Variants in CCDC138 observed in about 807,000 individuals in gnomAD.
The protein encoded by CCDC138 is coiled-coil domain containing 138.
Under a neutral mutation model 82.3 loss-of-function variants are expected in CCDC138, and 66 were observed. That is an observed-to-expected ratio of 0.80 (90% CI 0.66 to 0.98). The LOEUF (loss-of-function observed/expected upper bound fraction) is 0.98. CCDC138 is among the 50% of genes least tolerant of loss of function. The pLI, the probability that CCDC138 is intolerant of heterozygous loss-of-function variation, is 0.00. For missense variants in CCDC138, 816 were observed against 758.9 expected, an observed-to-expected ratio of 1.08 and a Z score of -0.88; for synonymous variants, 297 against 265.4, an observed-to-expected ratio of 1.12 and a Z score of -1.16.
chr2:108,806,636 C>T (rs763567979), intron 7 of CCDC138, among the ~76,000 whole-genome samples: 14 of 152,022 alleles, frequency 9.2e-5, no homozygotes, highest in African/African-American at 1.7e-4. Context: ...AAGTAACGAG[C>T]GTGGCTGTGT....
intron 12 of CCDC138, among the ~76,000 whole-genome samples, chr2:108,850,472 G>A (rs553891219): frequency 8.6e-5 from 13 of 152,034 alleles, no homozygotes; most frequent in African/African-American, 3.1e-4. Context: ...TGTTTTTGGA[G>A]ACAGAGTTTC....
intron 3 of CCDC138, 84 bp downstream of exon 3, chr2:108,789,050 G>C: frequency 6.8e-7 from 1 of 1,467,622 alleles, no homozygotes; most frequent in South Asian, 1.2e-5. Context: ...TTATATTTTT[G>C]CTCTTTCCTG....
At chr2:108,832,033 T>C (rs1272636026) in intron 10 of CCDC138, among the ~76,000 whole-genome samples, 1 of 147,184 alleles carries the variant, frequency 6.8e-6, no homozygotes, top group Non-Finnish European at 1.5e-5. Flanking sequence ...ACGCACAGCT[T>C]TTTTTCTCTT....
intron 11 of CCDC138, among the ~76,000 whole-genome samples, chr2:108,841,004 T>TTTTG (rs374254343): frequency 0.02 from 2,994 of 151,586 alleles, 79 homozygotes; most frequent in African/African-American, 0.055. Context: ...TGTGTGTGTT[T>TTTTG]TTTGTTTGTT....
chr2:108,855,221 A>G (rs1426798491), intron 12 of CCDC138, among the ~76,000 whole-genome samples: 1 of 152,208 alleles, frequency 6.6e-6, no homozygotes, highest in Non-Finnish European at 1.5e-5. Context: ...CCTAAAAGAT[A>G]AGGTCACTTG....
chr2:108,826,459 A>AT (rs1298564935), intron 10 of CCDC138, among the ~76,000 whole-genome samples: 2 of 152,012 alleles, frequency 1.3e-5, no homozygotes, highest in African/African-American at 4.8e-5. Context: ...GTGTAACCTC[A>AT]TTTTTTACCT....
At chr2:108,860,474 A>G (rs566595016) in intron 13 of CCDC138, among the ~76,000 whole-genome samples, 89 of 151,618 alleles carry the variant, frequency 5.9e-4, no homozygotes, top group Non-Finnish European at 8.8e-4. Flanking sequence ...TAGTTTTGTC[A>G]TAAATGACTC....
chr2:108,797,657 G>T (rs1221260531), intron 5 of CCDC138, among the ~76,000 whole-genome samples: 1 of 152,148 alleles, frequency 6.6e-6, no homozygotes, highest in Non-Finnish European at 1.5e-5. Context: ...TCCTGAGCCT[G>T]CCTTTTTAAT....
At chr2:108,818,711 ACT>A (rs1685175515) in intron 10 of CCDC138, among the ~76,000 whole-genome samples, 1 of 151,980 alleles carries the variant, frequency 6.6e-6, no homozygotes, top group Non-Finnish European at 1.5e-5. Flanking sequence ...TTGTTATCGG[ACT>A]CTGTTAACCA....
Position 108,816,025 on chromosome 2 carries a change from G to A in CCDC138, c.1126G>A (p.Glu376Lys), listed in dbSNP as rs749670329. ...TCATCATCTTAGCAAAGTGAAACAT[G>A]AAGAATCTGGAATGGATGGTAAAAA... ...SDHHLSKVKH[E>K]ESGMDGKKPQ... The change falls in exon 10 of 15, where the codon GAA becomes AAA. Residue 376 changes from glutamate to lysine, a missense_variant. Coordinates refer to ENST00000295124, the MANE Select transcript of CCDC138 (RefSeq NM_144978.3). 3 of 1,613,754 alleles carry A rather than the reference G, an allele frequency of 1.9e-6. No individual in the cohort carries two copies. Among genetic ancestry groups the A allele is most frequent in the Non-Finnish European group, 2.5e-6 (3 of 1,179,806 alleles).
chr2:108,843,672 C>A (rs183834724), intron 11 of CCDC138, among the ~76,000 whole-genome samples: 24 of 152,024 alleles, frequency 1.6e-4, no homozygotes, highest in African/African-American at 5.5e-4. Flanking sequence ...TGTAAGGTGT[C>A]ATTTCTCTCA....
At chr2:108,846,676 CAAAA>C (rs940948258) in intron 11 of CCDC138, 58 bp from the exon 12 acceptor site, 2 of 1,417,258 alleles carry the variant, frequency 1.4e-6, no homozygotes, top group Non-Finnish European at 1.9e-6. Context: ...GACTGTGTCT[CAAAA>C]AAAAAGATAT....
At chr2:108,811,247 C>CTTTTTTTTTTTTTTTTTTTTTTTTTTTT (rs55661786) in intron 7 of CCDC138, among the ~76,000 whole-genome samples, 4 of 113,904 alleles carry the variant, frequency 3.5e-5, no homozygotes, top group African/African-American at 7.6e-5. Context: ...TTCTCTCTCT[C>CTTTTTTTTTTTTTTTTTTTTTTTTTTTT]TTTTTTTTTT....
At chr2:108,786,766 G>A (rs896403515), upstream of CCDC138, 60 of 1,486,102 alleles carry the variant, frequency 4.0e-5, no homozygotes, top group African/African-American at 3.9e-4. Flanking sequence ...CGGCCGCGTA[G>A]CGCCGCGGGT....
rs1315319203 is a variant in CCDC138 at position 108,812,835 on chromosome 2, A to G, written c.949A>G (p.Met317Val). Reference sequence around the variant, plus strand: ...ACTGTTGCAGAGGAAGTACGAGTTTATGACAATACAGAGATTGAAAGGAAG... The same window carrying G: ...ACTGTTGCAGAGGAAGTACGAGTTTGTGACAATACAGAGATTGAAAGGAAG... ...LDNLQRKYEFMTIQRLKGSSH... is the reference protein window; with the variant it reads ...LDNLQRKYEFVTIQRLKGSSH... Residue 317 changes from methionine to valine, a missense_variant, in exon 9 of 15, where the codon ATG becomes GTG. Met to Val is a conservative substitution (Grantham distance 21). Transcript: ENST00000295124. 2 of 1,613,152 alleles carry G rather than the reference A, an allele frequency of 1.2e-6. No individual in the cohort carries two copies. The highest frequency in any genetic ancestry group is 1.7e-5 in the Admixed American group (1 of 59,980).
chr2:108,799,086 C>T (rs769985746), intron 6 of CCDC138, among the ~76,000 whole-genome samples: 2 of 152,072 alleles, frequency 1.3e-5, no homozygotes, highest in Admixed American at 6.6e-5. Flanking sequence ...AGCAACTAGA[C>T]AAGATTCATG....
intron 10 of CCDC138, among the ~76,000 whole-genome samples, chr2:108,823,689 G>T (rs185414062): frequency 3.3e-5 from 5 of 152,262 alleles, no homozygotes; most frequent in Non-Finnish European, 5.9e-5. Flanking sequence ...GATAAAAAAG[G>T]GTGCACCTGG....
rs1693711646 is a variant in CCDC138, at chr2:108,862,062, C to G, written c.1693+5092C>G. The stretch of plus-strand genomic sequence containing the variant: ...TATTCCACTATGGCCCAAGAGGATT[C>G]TTGGTATGATTTCAGTTTTTTTTTT... On this transcript the variant is annotated intron_variant, in intron 13 of 14. Transcript: ENST00000295124. 2.2e-5 allele frequency among the ~76,000 whole-genome samples: 3 copies of G among 135,676 alleles called. No homozygotes were observed. In the South Asian group the frequency reaches 7.2e-4, roughly 33 times the overall value. 89.0% of individuals were successfully genotyped at this position (135,676 alleles called of 152,430 possible).
chr2:108,832,986 A>G (rs1216121710), intron 10 of CCDC138, among the ~76,000 whole-genome samples: 1 of 152,210 alleles, frequency 6.6e-6, no homozygotes, highest in Non-Finnish European at 1.5e-5. Context: ...GACACCTTAA[A>G]TGCACATTGC....
Sources: allele counts gnomAD v4.1 joint callset (sites outside exome capture counted in the v4.1 genomes callset), GRCh38; gene constraint gnomAD v4.1.1; transcripts MANE v1.5; gene names NCBI Gene and HGNC (gene_info 2026-07-23, HGNC 2026-07-21).